The following FIP1L1 variants were observed in gnomAD, a reference collection of about 807,000 sequenced individuals.
FIP1L1 encodes the protein pre-mRNA 3'-end-processing factor FIP1.
FIP1L1 carries 21 observed loss-of-function variants against 84.6 expected under a neutral mutation model. That is an observed-to-expected ratio of 0.25 (90% CI 0.18 to 0.36). FIP1L1 has a LOEUF of 0.36. FIP1L1 is among the 10% of genes least tolerant of loss of function. The pLI, the probability that FIP1L1 is intolerant of heterozygous loss-of-function variation, is 1.00. For synonymous variants in FIP1L1, 263 were observed against 242.3 expected (o/e 1.09, Z -0.80); for missense variants, 526 against 751.1 (o/e 0.70, Z 3.50).
At chr4:53,425,606 A>T (rs190371363) in intron 11 of FIP1L1, among the ~76,000 whole-genome samples, 1 of 152,154 alleles carries the variant, frequency 6.6e-6, no homozygotes. Context: ...TAAAACTAGT[A>T]AGTGTAGAAG....
At chr4:53,409,898 C>T (rs1281581380) in intron 10 of FIP1L1, among the ~76,000 whole-genome samples, 2 of 152,232 alleles carry the variant, frequency 1.3e-5, no homozygotes, top group African/African-American at 4.8e-5. Flanking sequence ...TCTGTCACCC[C>T]TTTCTTTGAC....
At chr4:53,419,399 C>G (rs1370424760) in intron 11 of FIP1L1, among the ~76,000 whole-genome samples, 1 of 152,128 alleles carries the variant, frequency 6.6e-6, no homozygotes, top group Non-Finnish European at 1.5e-5. Context: ...TGCAAAAGAG[C>G]CTCTTTCCAC....
At chr4:53,419,360 G>T (rs1389538600) in intron 11 of FIP1L1, among the ~76,000 whole-genome samples, 2 of 152,168 alleles carry the variant, frequency 1.3e-5, no homozygotes, top group Non-Finnish European at 2.9e-5. Flanking sequence ...GTTATGCTAA[G>T]CCTGAATCCT....
chr4:53,393,457 T>C (rs906924806), intron 9 of FIP1L1, among the ~76,000 whole-genome samples: 1 of 152,198 alleles, frequency 6.6e-6, no homozygotes, highest in Non-Finnish European at 1.5e-5. Flanking sequence ...CATGAACCCT[T>C]AGGTGCTTAT....
In FIP1L1 at chr4:53,459,610, T is replaced by TTAAG. The variant is rs1409679398; in HGVS notation, c.*163_*166dup. The stretch of plus-strand genomic sequence containing the variant: ...AAAATAAAAGAGTGAATTTTTCATG[T>TTAAG]TAAGTTAAAAATCTTTGTCTTGTAC... On this transcript the variant is annotated 3_prime_UTR_variant, in exon 18 of 18. Coordinates refer to ENST00000337488, the MANE Select transcript of FIP1L1 (RefSeq NM_030917.4). 20 of 999,482 alleles carry TTAAG rather than the reference T, an allele frequency of 2.0e-5. No individual in the cohort carries two copies. The highest frequency in any genetic ancestry group is 7.2e-5 in the Admixed American group (3 of 41,706). The allele number at this position is 999,482 out of a possible 1,614,324, so 61.9% of individuals were successfully genotyped here. A position where few individuals can be genotyped will look rare whatever the true frequency, so the allele number is the denominator to read the frequency against.
At chr4:53,454,001 A>C (rs1268968178) in intron 16 of FIP1L1, among the ~76,000 whole-genome samples, 1 of 152,224 alleles carries the variant, frequency 6.6e-6, no homozygotes, top group Non-Finnish European at 1.5e-5. Flanking sequence ...TAAAAGTTTC[A>C]TAATCTTAAA....
rs201451414 is a variant in FIP1L1 at position 53,444,019 on chromosome 4, A to G, written c.1230-29A>G. On this transcript the variant is annotated intron_variant, in intron 14 of 17. Transcript: ENST00000337488. ...AAAATTCAGAACTTATTTGTACCAG[A>G]CATAAAAATATATCTTTTTCTTCAA... 7.2e-4 allele frequency: 1,097 copies of G among 1,521,608 alleles called. 9 individuals are homozygous for G. In the Middle Eastern group the frequency reaches 0.022, roughly 30 times the overall value. The allele number at this position is 1,521,608 out of a possible 1,614,324, so 94.3% of individuals were successfully genotyped here.
rs758249841 is a variant in FIP1L1 at position 53,377,901 on chromosome 4, G to A, written c.63G>A (p.Glu21=). The A allele has an allele frequency of 6.3e-7, 1 of 1,599,838 alleles. No individual in the cohort carries two copies. Among genetic ancestry groups the A allele is most frequent in the South Asian group, 1.1e-5 (1 of 88,802 alleles). ...TGAGCGGCGGGACCGGAGGGGATGAGGAGGAAGAGTGGCTCTATGGCGGTA... is the reference window on the plus strand; with the variant it reads ...TGAGCGGCGGGACCGGAGGGGATGAAGAGGAAGAGTGGCTCTATGGCGGTA... ...SELSGGTGGD[E]EEEWLYGGPW... The change falls in exon 1 of 18, where the codon GAG becomes GAA. Residue 21 remains glutamate (E), a synonymous_variant. Coordinates refer to ENST00000337488, the MANE Select transcript of FIP1L1 (RefSeq NM_030917.4).
At chr4:53,423,173 A>G (rs1453396442) in intron 11 of FIP1L1, among the ~76,000 whole-genome samples, 5 of 152,194 alleles carry the variant, frequency 3.3e-5, no homozygotes, top group Non-Finnish European at 7.3e-5. Flanking sequence ...ATATTTTTAT[A>G]TTCATTTACT....
At position 53,425,899 on chromosome 4, in the gene FIP1L1, C is replaced by T. The variant is rs769499941; in HGVS notation, c.951C>T (p.Ile317=). ...LRRLPGAIDV[I]GQTITISRVE... ...GATTACCTGGGGCAATTGATGTTATCGGTCAGACTATAACTATCAGCCGAG... is the reference window on the plus strand; with the variant it reads ...GATTACCTGGGGCAATTGATGTTATTGGTCAGACTATAACTATCAGCCGAG... The change falls in exon 12 of 18, where the codon ATC becomes ATT. Residue 317 remains isoleucine (I), a synonymous_variant. Transcript: ENST00000337488. 27 of 1,609,810 alleles carry T rather than the reference C, an allele frequency of 1.7e-5. No homozygotes were observed. The highest frequency in any genetic ancestry group is 1.6e-4 in the Middle Eastern group (1 of 6,066).
At chr4:53,388,525 C>T (rs1289937106) in intron 5 of FIP1L1, among the ~76,000 whole-genome samples, 3 of 151,922 alleles carry the variant, frequency 2.0e-5, no homozygotes, top group Admixed American at 6.6e-5. Context: ...TTAGTGGAGA[C>T]GGGGTTTCAT....
At chr4:53,437,602 C>T (rs1314185201) in intron 13 of FIP1L1, among the ~76,000 whole-genome samples, 1 of 151,988 alleles carries the variant, frequency 6.6e-6, no homozygotes, top group African/African-American at 2.4e-5. Context: ...CTGGTCCCAC[C>T]CCAGACTTAC....
chr4:53,416,593 A>T (rs879904434), intron 11 of FIP1L1, among the ~76,000 whole-genome samples: 9 of 152,362 alleles, frequency 5.9e-5, no homozygotes, highest in African/African-American at 9.6e-5. Context: ...AGGCAAAATC[A>T]GGACTAGAAT....
chr4:53,415,305 A>G (rs1163490595), intron 11 of FIP1L1, among the ~76,000 whole-genome samples: 1 of 152,190 alleles, frequency 6.6e-6, no homozygotes, highest in Non-Finnish European at 1.5e-5. Flanking sequence ...CCTCGAATGG[A>G]TATTATAATT....
chr4:53,453,286 T>TG, intron 16 of FIP1L1, 153 bp downstream of exon 16: 1 of 796,290 alleles, frequency 1.3e-6, no homozygotes. Flanking sequence ...GATTAGAGGC[T>TG]TCCCATTACC....
intron 9 of FIP1L1, among the ~76,000 whole-genome samples, chr4:53,395,745 CGTGT>C (rs1281774600): frequency 6.6e-6 from 1 of 151,234 alleles, no homozygotes; most frequent in Non-Finnish European, 1.5e-5. Flanking sequence ...TGTGTGTGTG[CGTGT>C]GTGTGTGTAT....
intron 14 of FIP1L1, among the ~76,000 whole-genome samples, chr4:53,443,542 C>T (rs192496319): frequency 6.6e-5 from 10 of 152,022 alleles, no homozygotes; most frequent in African/African-American, 2.2e-4. Flanking sequence ...AGCATCAAAC[C>T]CTGCATATGA....
chr4:53,389,942 T>A, intron 6 of FIP1L1, 69 bp downstream of exon 6: 1 of 707,380 alleles, frequency 1.4e-6, no homozygotes, highest in Non-Finnish European at 2.1e-6. Flanking sequence ...TCTTAATAGC[T>A]TTTTTTTTTA....
chr4:53,410,795 A>G lies in FIP1L1; in HGVS notation c.816-3820A>G, dbSNP rs535205823. Among the ~76,000 whole-genome samples, 6 of 152,290 alleles carry G rather than the reference A, an allele frequency of 3.9e-5. No individual in the cohort carries two copies. The South Asian group carries it at 1.2e-3, about 32-fold the overall frequency. On this transcript the variant is annotated intron_variant, in intron 10 of 17. Coordinates refer to ENST00000337488, the MANE Select transcript of FIP1L1 (RefSeq NM_030917.4). The stretch of plus-strand genomic sequence containing the variant: ...TGCACTCACCTAATTGTTCTCTTTT[A>G]TTATTGTTAATTTCTTACTGTGTTT...
Sources: gnomAD v4.1 joint callset for allele counts (sites outside exome capture counted in the v4.1 genomes callset) on GRCh38, gnomAD v4.1.1 for gene constraint, MANE v1.5 for transcripts, NCBI Gene and HGNC (gene_info 2026-07-23, HGNC 2026-07-21) for gene names.